ZFHX3: variants seen among roughly 807,000 people sequenced by gnomAD.
The protein encoded by ZFHX3 is zinc finger homeobox protein 3.
A neutral mutation model predicts 279.1 loss-of-function variants in ZFHX3; 42 were observed. The ratio of observed to expected loss-of-function variants is 0.15; its 90% CI spans 0.12 to 0.19. The LOEUF (loss-of-function observed/expected upper bound fraction) is 0.19. Among genes scored for constraint, ZFHX3 ranks in the 10% least tolerant of loss-of-function variants. The pLI is 1.00. For synonymous variants in ZFHX3, 2,293 were observed against 1,957.8 expected (o/e 1.17, Z -4.52); for missense variants, 4,981 against 4,754.0 (o/e 1.05, Z -1.40).
At chr16:73,793,008 T>C (rs533483820) in intron 1 of ZFHX3, among the ~76,000 whole-genome samples, 60 of 152,308 alleles carry the variant, frequency 3.9e-4, no homozygotes, top group African/African-American at 1.4e-3. Context: ...CTGAGAAAGA[T>C]GCTGCCTTTG....
chr16:73,637,148 G>C (rs1314777603), intron 2 of ZFHX3, among the ~76,000 whole-genome samples: 11 of 151,720 alleles, frequency 7.3e-5, no homozygotes, highest in Admixed American at 7.2e-4. Flanking sequence ...CAATAGGAAA[G>C]CTGGGCCAAT....
intron 1 of ZFHX3, among the ~76,000 whole-genome samples, chr16:72,993,992 A>G (rs1050690433): frequency 1.3e-5 from 2 of 152,146 alleles, no homozygotes; most frequent in Admixed American, 6.5e-5. Context: ...AATATACTTA[A>G]TAACTCCAGC....
chr16:73,559,271 C>T (rs936097967), intron 2 of ZFHX3, among the ~76,000 whole-genome samples: 1 of 152,098 alleles, frequency 6.6e-6, no homozygotes, highest in Non-Finnish European at 1.5e-5. Flanking sequence ...TGGTCTCAAA[C>T]TCCTGGCTTC....
At chr16:73,414,462 C>T (rs1015978881) in intron 3 of ZFHX3, among the ~76,000 whole-genome samples, 2 of 152,262 alleles carry the variant, frequency 1.3e-5, no homozygotes, top group Non-Finnish European at 2.9e-5. Context: ...AAATTGGCCA[C>T]TCGTTCTCCT....
chr16:73,263,361 T>G (rs558884691), intron 4 of ZFHX3, among the ~76,000 whole-genome samples: 4 of 152,296 alleles, frequency 2.6e-5, no homozygotes, highest in African/African-American at 9.6e-5. Flanking sequence ...ATTTTTATTT[T>G]CATTTTTTAA....
chr16:73,528,385 T>C lies in ZFHX3; in HGVS notation c.-1546-72127A>G, dbSNP rs377079017. Reference sequence around the variant, plus strand: ...CTTACACACATATTCATTCATCCATTTCTCCAACCATCCATCCTTCTATCT... The same window carrying C: ...CTTACACACATATTCATTCATCCATCTCTCCAACCATCCATCCTTCTATCT... On this transcript the variant is annotated intron_variant, in intron 2 of 17. Coordinates refer to the ZFHX3 transcript ENST00000641206. 1.1e-4 allele frequency among the ~76,000 whole-genome samples: 16 copies of C among 152,342 alleles called. No individual in the cohort carries two copies. The East Asian group carries it at 2.7e-3, about 26-fold the overall frequency.
chr16:73,474,741 C>T (rs2143611756), intron 2 of ZFHX3, among the ~76,000 whole-genome samples: 1 of 152,334 alleles, frequency 6.6e-6, no homozygotes, highest in African/African-American at 2.4e-5. Context: ...ACTTTAGTCT[C>T]ATTCCATTTT....
At chr16:73,439,909 C>CAGAAAAAAAAAAAAAAAAAAAA in intron 3 of ZFHX3, among the ~76,000 whole-genome samples, 1 of 75,446 alleles carries the variant, frequency 1.3e-5, no homozygotes. Flanking sequence ...GGGAGAGGGA[C>CAGAAAAAAAAAAAAAAAAAAAA]AAAAAAAAAA....
At chr16:73,536,113 T>C (rs572395885) in intron 2 of ZFHX3, among the ~76,000 whole-genome samples, 10 of 152,340 alleles carry the variant, frequency 6.6e-5, no homozygotes, top group South Asian at 2.1e-4. Flanking sequence ...GCATATATTA[T>C]GCTTAGTTGA....
chr16:73,022,030 C>T (rs1432350107), intron 1 of ZFHX3, among the ~76,000 whole-genome samples: 2 of 152,074 alleles, frequency 1.3e-5, no homozygotes, highest in Middle Eastern at 3.2e-3. Context: ...CCGAACCTGC[C>T]AACTACTGCT....
chr16:73,500,277 G>C (rs554975318), intron 2 of ZFHX3: 1 of 152,102 alleles, frequency 6.6e-6, no homozygotes, highest in South Asian at 2.1e-4. Flanking sequence ...GTAGGTCTAG[G>C]CTTATGTGGT....
chr16:73,850,465 C>G (rs1961566336), intron 1 of ZFHX3, among the ~76,000 whole-genome samples: 2 of 152,116 alleles, frequency 1.3e-5, no homozygotes, highest in African/African-American at 4.8e-5. Flanking sequence ...ACAGAAACAA[C>G]TTTGAGATGG....
intron 3 of ZFHX3, among the ~76,000 whole-genome samples, chr16:73,423,802 C>T (rs896719429): frequency 5.4e-5 from 8 of 149,420 alleles, no homozygotes; most frequent in Non-Finnish European, 1.0e-4. Flanking sequence ...GTGGAGGTTG[C>T]AGTGAGCTGA....
intron 4 of ZFHX3, among the ~76,000 whole-genome samples, chr16:72,865,376 G>A (rs1365174724): frequency 2.6e-5 from 4 of 152,334 alleles, no homozygotes; most frequent in Admixed American, 1.3e-4. Flanking sequence ...GTTCAGCCCC[G>A]AGTTGGGCTC....
chr16:73,821,018 G>C (rs987241600), intron 1 of ZFHX3, among the ~76,000 whole-genome samples: 1 of 152,024 alleles, frequency 6.6e-6, no homozygotes, highest in African/African-American at 2.4e-5. Flanking sequence ...ACAAATGATG[G>C]GACTGAGGTC....
chr16:73,536,609 A>G (rs1954762387), intron 2 of ZFHX3, among the ~76,000 whole-genome samples: 1 of 152,192 alleles, frequency 6.6e-6, no homozygotes. Context: ...TACACTTTCG[A>G]TTAAATAAGC....
intron 3 of ZFHX3, among the ~76,000 whole-genome samples, chr16:73,356,838 CT>C (rs779785366): frequency 0.012 from 1,671 of 140,990 alleles, 19 homozygotes; most frequent in African/African-American, 0.034. Context: ...CACCTGAGGG[CT>C]TTTTTTTTTT....
intron 4 of ZFHX3, among the ~76,000 whole-genome samples, chr16:73,260,107 A>T (rs1768976257): frequency 6.6e-6 from 1 of 152,036 alleles, no homozygotes; most frequent in South Asian, 2.1e-4. Context: ...CAGGACCTTG[A>T]CATTTTTGAA....
rs1555500050 is a variant in ZFHX3 at position 73,760,018 on chromosome 16, T to TTA, written c.-1607-79779_-1607-79778insTA. On this transcript the variant is annotated intron_variant, in intron 1 of 17. Transcript: ENST00000641206. ...AATGAATCCAGGAGCTGTTTTTTTT[T>TTA]AAAAAAAAATTAATAAAACAGACAA... 2.7e-5 allele frequency among the ~76,000 whole-genome samples: 4 copies of TTA among 146,488 alleles called. No homozygotes were observed. In the South Asian group the frequency reaches 6.5e-4, roughly 24 times the overall value.
Sources: allele counts gnomAD v4.1 joint callset (sites outside exome capture counted in the v4.1 genomes callset), GRCh38; gene constraint gnomAD v4.1.1; transcripts MANE v1.5; gene names NCBI Gene and HGNC (gene_info 2026-07-23, HGNC 2026-07-21).